The following TACC2 variants were observed in gnomAD, a reference collection of about 807,000 sequenced individuals.
The protein encoded by TACC2 is transforming acidic coiled-coil-containing protein 2.
TACC2 carries 137 observed loss-of-function variants against 227.3 expected under a neutral mutation model. That is an observed-to-expected ratio of 0.60 (90% confidence interval 0.52 to 0.69). The LOEUF (loss-of-function observed/expected upper bound fraction) is 0.69. Ranked by LOEUF, TACC2 falls within the 30% of genes least tolerant of loss-of-function variation. The probability of loss-of-function intolerance (pLI) is 0.00; values close to 1 mark genes in which losing one functional copy is unlikely to be tolerated. For synonymous variants in TACC2, 1,523 were observed against 1,487.5 expected, an observed-to-expected ratio of 1.02 and a Z score of -0.55; for missense variants, 3,470 against 3,694.4, an observed-to-expected ratio of 0.94 and a Z score of 1.57.
chr10:122,116,298 T>C (rs910679261), intron 5 of TACC2, among the ~76,000 whole-genome samples: 3 of 152,216 alleles, frequency 2.0e-5, no homozygotes, highest in Admixed American at 1.3e-4. Context: ...CATCCCTCTG[T>C]CCGCTATCCA....
At chr10:122,091,532 C>CTT (rs746283376) in intron 5 of TACC2, among the ~76,000 whole-genome samples, 11 of 152,134 alleles carry the variant, frequency 7.2e-5, no homozygotes, top group Admixed American at 2.0e-4. Context: ...CTTCCCTGTG[C>CTT]TTTAGGCTCT....
intron 1 of TACC2, among the ~76,000 whole-genome samples, chr10:122,009,271 G>C (rs1380270632): frequency 6.6e-6 from 1 of 152,154 alleles, no homozygotes; most frequent in Non-Finnish European, 1.5e-5. Flanking sequence ...CACTTTGGGA[G>C]GAAGTATTGG....
At chr10:122,047,404 T>C (rs773795226) in intron 2 of TACC2, among the ~76,000 whole-genome samples, 7 of 151,900 alleles carry the variant, frequency 4.6e-5, no homozygotes, top group Non-Finnish European at 8.8e-5. Context: ...ATGGGGATGA[T>C]TGTCTTCTTG....
chr10:122,192,442 G>A (rs2094440334), intron 7 of TACC2: 2 of 328,062 alleles, frequency 6.1e-6, no homozygotes, highest in South Asian at 5.0e-5. Context: ...AGAGCCTGCT[G>A]TCGCCAGTGC....
intron 5 of TACC2, among the ~76,000 whole-genome samples, chr10:122,116,747 C>T (rs993947737): frequency 6.6e-6 from 1 of 152,162 alleles, no homozygotes; most frequent in East Asian, 1.9e-4. Flanking sequence ...AGCCTGTGTG[C>T]ATTAGTGTTG....
chr10:122,225,312 G>T (rs2095604991), intron 12 of TACC2, among the ~76,000 whole-genome samples: 1 of 152,226 alleles, frequency 6.6e-6, no homozygotes, highest in African/African-American at 2.4e-5. Flanking sequence ...ACACAGGAGG[G>T]CTTGCTTGCT....
At chr10:122,116,780 C>T (rs1402874719) in intron 5 of TACC2, among the ~76,000 whole-genome samples, 1 of 152,180 alleles carries the variant, frequency 6.6e-6, no homozygotes, top group African/African-American at 2.4e-5. Context: ...AACCAGGAGA[C>T]ATACTATGAA....
chr10:122,237,026 A>T (rs1193453049), intron 16 of TACC2, among the ~76,000 whole-genome samples: 1 of 152,224 alleles, frequency 6.6e-6, no homozygotes, highest in Admixed American at 6.5e-5. Context: ...CACCATTGAG[A>T]TCTCATTTTG....
At chr10:122,134,488 A>G (rs1432738329) in intron 6 of TACC2, among the ~76,000 whole-genome samples, 1 of 152,190 alleles carries the variant, frequency 6.6e-6, no homozygotes, top group African/African-American at 2.4e-5. Context: ...CGAGTCAGCC[A>G]TAGTTTTTAC....
intron 18 of TACC2, among the ~76,000 whole-genome samples, chr10:122,238,942 TGTAATA>T (rs2095918264): frequency 6.6e-6 from 1 of 152,226 alleles, no homozygotes; most frequent in Non-Finnish European, 1.5e-5. Flanking sequence ...TGTGGTATGT[TGTAATA>T]GAAATATAGT....
chr10:122,213,306 T>C, intron 9 of TACC2: 1 of 1,604,792 alleles, frequency 6.2e-7, no homozygotes, highest in Non-Finnish European at 8.5e-7. Context: ...CAGTTCCTTC[T>C]GTCTGTCTCT....
At chr10:122,147,944 A>C (rs527289897) in intron 7 of TACC2, among the ~76,000 whole-genome samples, 1 of 152,278 alleles carries the variant, frequency 6.6e-6, no homozygotes, top group African/African-American at 2.4e-5. Context: ...GCTTTCAACC[A>C]TGCGGCCATG....
intron 7 of TACC2, among the ~76,000 whole-genome samples, chr10:122,177,553 C>A (rs1005711207): frequency 6.6e-6 from 1 of 151,976 alleles, no homozygotes; most frequent in African/African-American, 2.4e-5. Context: ...GCATTCCAGC[C>A]TGGGTAACAT....
chr10:122,216,838 T>C lies in TACC2; in HGVS notation c.7546+10T>C. On this transcript the variant is annotated intron_variant, in intron 11 of 22. Transcript: ENST00000369005. ...AGTTCACCCACTGAGGGTAAGCAAC[T>C]CTGTAGCCAGCTGGACCCCCACTCT... 1.2e-6 allele frequency: 2 copies of C among 1,614,062 alleles called. No homozygotes were observed. The highest frequency in any genetic ancestry group is 1.7e-6 in the Non-Finnish European group (2 of 1,180,018).
chr10:122,052,808 C>T (rs2075850782), intron 3 of TACC2: 1 of 152,136 alleles, frequency 6.6e-6, no homozygotes, highest in South Asian at 2.1e-4. Flanking sequence ...GGGCCCTGTA[C>T]TAACTCAGAA....
intron 11 of TACC2, among the ~76,000 whole-genome samples, chr10:122,224,059 G>A (rs150279846): frequency 2.0e-3 from 311 of 152,258 alleles, no homozygotes; most frequent in African/African-American, 7.1e-3. Context: ...GGTGTTTGCC[G>A]TCTCCATTGA....
At chr10:122,075,885 C>T (rs895397452) in intron 3 of TACC2, among the ~76,000 whole-genome samples, 1 of 152,182 alleles carries the variant, frequency 6.6e-6, no homozygotes, top group East Asian at 1.9e-4. Flanking sequence ...TGGCAGCCTC[C>T]GCCTCCTGGA....
chr10:122,012,418 C>CAAAAAAAAAAAAAAAAAAAAAAA (rs752342348), intron 1 of TACC2, among the ~76,000 whole-genome samples: 13 of 60,724 alleles, frequency 2.1e-4, no homozygotes, highest in East Asian at 1.2e-3. Context: ...GACTCCGTCT[C>CAAAAAAAAAAAAAAAAAAAAAAA]AAAAAAAAAA....
At chr10:122,010,035 A>T (rs1333362746) in intron 1 of TACC2, among the ~76,000 whole-genome samples, 3 of 152,250 alleles carry the variant, frequency 2.0e-5, no homozygotes, top group Non-Finnish European at 4.4e-5. Context: ...TTGCATTTGC[A>T]AAGTCCTATG....
Sources: gnomAD v4.1 joint callset for allele counts (sites outside exome capture counted in the v4.1 genomes callset) on GRCh38, gnomAD v4.1.1 for gene constraint, MANE v1.5 for transcripts, NCBI Gene and HGNC (gene_info 2026-07-23, HGNC 2026-07-21) for gene names.